GABRA4: variants seen among roughly 807,000 people sequenced by gnomAD.
GABRA4 encodes gamma-aminobutyric acid receptor subunit alpha-4.
Under a neutral mutation model 49.7 loss-of-function variants are expected in GABRA4, and 12 were observed. That is an observed-to-expected ratio of 0.24 (90% CI 0.15 to 0.39). The LOEUF (loss-of-function observed/expected upper bound fraction) is 0.39. GABRA4 is among the 10% of genes least tolerant of loss of function. GABRA4 has a pLI of 1.00. For missense variants in GABRA4, 506 were observed against 686.0 expected, an observed-to-expected ratio of 0.74 and a Z score of 2.93; for synonymous variants, 288 against 240.2, an observed-to-expected ratio of 1.20 and a Z score of -1.84.
chr4:46,951,278 T>C lies in GABRA4; in HGVS notation c.1134+13692A>G, dbSNP rs559808822. Among the ~76,000 whole-genome samples, 285 of 149,478 alleles carry C rather than the reference T, an allele frequency of 1.9e-3. 8 individuals carry two copies. The South Asian group carries it at 0.057, about 30-fold the overall frequency. ...TTATCTAACCAGTTAATATTAATAA[T>C]ATTTTATATATTATTAAATATATAC... On this transcript the variant is annotated intron_variant, in intron 8 of 8. Transcript: ENST00000264318.
chr4:46,986,650 A>G (rs1723551057), intron 2 of GABRA4, among the ~76,000 whole-genome samples: 1 of 152,090 alleles, frequency 6.6e-6, no homozygotes, highest in Non-Finnish European at 1.5e-5. Context: ...AGCTTTAAAT[A>G]TCATGTATAT....
intron 2 of GABRA4, among the ~76,000 whole-genome samples, chr4:46,988,715 T>C (rs1271465762): frequency 6.6e-6 from 1 of 152,220 alleles, no homozygotes; most frequent in Non-Finnish European, 1.5e-5. Context: ...AATGTAGTTT[T>C]GCTTATTTTA....
chr4:46,957,400 A>G (rs1722403480), intron 8 of GABRA4, among the ~76,000 whole-genome samples: 1 of 152,020 alleles, frequency 6.6e-6, no homozygotes, highest in African/African-American at 2.4e-5. Flanking sequence ...ATAGAATTGT[A>G]AGAATCTATG....
intron 2 of GABRA4, among the ~76,000 whole-genome samples, chr4:46,989,029 T>C (rs1723642081): frequency 6.6e-6 from 1 of 152,226 alleles, no homozygotes; most frequent in Non-Finnish European, 1.5e-5. Context: ...CCTACTATGT[T>C]AGTGAATAAC....
chr4:46,980,971 G>C (rs938213044), intron 2 of GABRA4, among the ~76,000 whole-genome samples: 1 of 152,150 alleles, frequency 6.6e-6, no homozygotes, highest in Non-Finnish European at 1.5e-5. Context: ...TATTTGGCAA[G>C]ATTCTTGAGA....
At chr4:46,979,129 AAAT>A in intron 2 of GABRA4, 31 bp from the exon 3 acceptor site, 1 of 1,360,442 alleles carries the variant, frequency 7.4e-7, no homozygotes, top group Non-Finnish European at 1.0e-6. Flanking sequence ...AAGTGTGAAA[AAAT>A]AATTACCAAT....
chr4:46,992,964 A>AC lies in GABRA4; in HGVS notation c.87-19_87-18insG. 1 of 1,555,486 alleles carries AC rather than the reference A, an allele frequency of 6.4e-7. No homozygotes were observed. Among genetic ancestry groups the AC allele is most frequent in the Non-Finnish European group, 8.9e-7 (1 of 1,127,564 alleles). The stretch of plus-strand genomic sequence containing the variant: ...CGTTTAAACTGCAAGCGAAAAAAAA[A>AC]AAACCGGGGGCGGAGGAGATTATTT... On this transcript the variant is annotated intron_variant, in intron 1 of 8. Transcript: ENST00000264318.
At chr4:46,974,092 T>A (rs1723051281) in intron 6 of GABRA4, 140 bp downstream of exon 6, 2 of 664,864 alleles carry the variant, frequency 3.0e-6, no homozygotes, top group African/African-American at 3.7e-5. Context: ...AATTATGAGC[T>A]ATAACTCATG....
chr4:46,921,081 G>T lies in GABRA4; in HGVS notation c.*7144C>A, dbSNP rs1484227885. The T allele has an allele frequency of 6.6e-6, 1 of 151,268 alleles. No individual in the cohort carries two copies. The highest frequency in any genetic ancestry group is 1.5e-5 in the Non-Finnish European group (1 of 67,652). The allele number at this position is 151,268 out of a possible 1,614,324, so 9.4% of individuals were successfully genotyped here. A position where few individuals can be genotyped will look rare whatever the true frequency, so the allele number is the denominator to read the frequency against. ...GTGGAGATGTTTGTCTCTAGTAAAA[G>T]GAAAGGATAACATTTTATTCAAAAT... On this transcript the variant is annotated 3_prime_UTR_variant, in exon 9 of 9. Coordinates refer to ENST00000264318, the MANE Select transcript of GABRA4 (RefSeq NM_000809.4).
intron 2 of GABRA4, chr4:46,992,596 G>GA: frequency 1.9e-6 from 1 of 536,798 alleles, no homozygotes; most frequent in African/African-American, 1.9e-5. Context: ...CAGGTCCCGG[G>GA]AGGTAATTAG....
intron 8 of GABRA4, among the ~76,000 whole-genome samples, chr4:46,942,165 G>C (rs752123571): frequency 6.6e-6 from 1 of 152,008 alleles, no homozygotes. Context: ...CTTGGTTCTG[G>C]TGATACAAGT....
rs927877461 is a variant in GABRA4, at chr4:46,971,415, G to A, written c.722-180C>T. ...AACGAGGGAGAAAATGATATTGAAC[G>A]TTATTATACAGAAAAACTCTTTGTT... On this transcript the variant is annotated intron_variant, in intron 6 of 8. Coordinates refer to ENST00000264318, the MANE Select transcript of GABRA4 (RefSeq NM_000809.4). Among the ~76,000 whole-genome samples, 9 of 151,570 alleles carry A rather than the reference G, an allele frequency of 5.9e-5. 2 individuals are homozygous for A. The highest frequency in any genetic ancestry group is 2.0e-4 in the Admixed American group (3 of 15,156).
intron 5 of GABRA4, 28 bp downstream of exon 5, chr4:46,977,033 T>C (rs769038035): frequency 1.4e-6 from 2 of 1,394,820 alleles, no homozygotes; most frequent in Non-Finnish European, 2.0e-6. Context: ...TAATCATAAA[T>C]TCTAGCAAAA....
At chr4:46,954,458 G>A (rs1722275039) in intron 8 of GABRA4, among the ~76,000 whole-genome samples, 1 of 151,694 alleles carries the variant, frequency 6.6e-6, no homozygotes, top group South Asian at 2.1e-4. Flanking sequence ...TCAGGAGGCT[G>A]AGGCAGAAGA....
intron 7 of GABRA4, among the ~76,000 whole-genome samples, chr4:46,968,706 A>G (rs1033942142): frequency 1.3e-5 from 2 of 151,652 alleles, no homozygotes; most frequent in Non-Finnish European, 3.0e-5. Context: ...TTTTCTTAAA[A>G]TATCTTGTTT....
At chr4:46,990,461 T>A (rs1293688820) in intron 2 of GABRA4, among the ~76,000 whole-genome samples, 4 of 152,210 alleles carry the variant, frequency 2.6e-5, no homozygotes, top group Non-Finnish European at 5.9e-5. Flanking sequence ...CAGCTTGCAT[T>A]ATAGCCAGCT....
intron 8 of GABRA4, among the ~76,000 whole-genome samples, chr4:46,952,139 A>G (rs1722194284): frequency 6.6e-6 from 1 of 152,112 alleles, no homozygotes; most frequent in African/African-American, 2.4e-5. Context: ...AGAAATCTCC[A>G]TACTGGTCAT....
chr4:46,974,676 GAT>G (rs1723075097), intron 5 of GABRA4, among the ~76,000 whole-genome samples: 1 of 151,850 alleles, frequency 6.6e-6, no homozygotes, highest in Non-Finnish European at 1.5e-5. Context: ...AATACACTTG[GAT>G]GTGTGTCCAT....
At chr4:46,988,083 CT>C (rs1330388546) in intron 2 of GABRA4, among the ~76,000 whole-genome samples, 1 of 152,104 alleles carries the variant, frequency 6.6e-6, no homozygotes, top group Non-Finnish European at 1.5e-5. Flanking sequence ...CACTTAATTG[CT>C]TTGTTCTCTC....
Sources: gnomAD v4.1 joint callset for allele counts (sites outside exome capture counted in the v4.1 genomes callset) on GRCh38, gnomAD v4.1.1 for gene constraint, MANE v1.5 for transcripts, NCBI Gene and HGNC (gene_info 2026-07-23, HGNC 2026-07-21) for gene names.